The following DGKB variants were observed in gnomAD, a reference collection of about 807,000 sequenced individuals.
DGKB encodes the protein 90 kDa diacylglycerol kinase.
Under a neutral mutation model 114.3 loss-of-function variants are expected in DGKB, and 67 were observed. The observed-to-expected ratio is 0.59, with a 90% confidence interval of 0.48 to 0.72. The LOEUF (loss-of-function observed/expected upper bound fraction) is 0.72, where lower values mean the gene tolerates loss of function less well. Among genes scored for constraint, DGKB ranks in the 30% least tolerant of loss-of-function variants. The probability of loss-of-function intolerance (pLI) is 0.00; values close to 1 mark genes in which losing one functional copy is unlikely to be tolerated. For missense variants in DGKB, 907 were observed against 975.2 expected, an observed-to-expected ratio of 0.93 and a Z score of 0.93; for synonymous variants, 398 against 323.1, an observed-to-expected ratio of 1.23 and a Z score of -2.49.
chr7:14,533,734 G>A (rs1463674349), intron 20 of DGKB, among the ~76,000 whole-genome samples: 1 of 151,946 alleles, frequency 6.6e-6, no homozygotes, highest in Non-Finnish European at 1.5e-5. Flanking sequence ...TTTCTCAGCA[G>A]AAATGTTTCA....
chr7:14,602,299 AGTTGG>A (rs1803691357), intron 17 of DGKB, among the ~76,000 whole-genome samples: 3 of 152,126 alleles, frequency 2.0e-5, no homozygotes, highest in Admixed American at 2.0e-4. Flanking sequence ...TAGATTTTTG[AGTTGG>A]TATTAAAACA....
intron 21 of DGKB, among the ~76,000 whole-genome samples, chr7:14,352,914 A>C (rs971760623): frequency 4.6e-5 from 7 of 151,914 alleles, no homozygotes; most frequent in Admixed American, 4.6e-4. Context: ...CAAGAGCGAA[A>C]CTCTGTCTCA....
chr7:14,570,530 T>A (rs1455663989), intron 20 of DGKB, among the ~76,000 whole-genome samples: 2 of 152,094 alleles, frequency 1.3e-5, no homozygotes, highest in Non-Finnish European at 2.9e-5. Context: ...ACCAATAACA[T>A]AAAGCCAATT....
intron 20 of DGKB, among the ~76,000 whole-genome samples, chr7:14,517,923 A>G (rs1028540441): frequency 1.3e-5 from 2 of 152,210 alleles, no homozygotes; most frequent in African/African-American, 4.8e-5. Flanking sequence ...AAGAACTTAA[A>G]GCAGAATTAT....
At chr7:14,217,977 C>T (rs931271680) in intron 23 of DGKB, among the ~76,000 whole-genome samples, 16 of 152,214 alleles carry the variant, frequency 1.1e-4, no homozygotes, top group African/African-American at 3.4e-4. Flanking sequence ...GACATCCTAA[C>T]TTGTTTGTTT....
At chr7:14,169,758 C>A (rs535046804) in intron 25 of DGKB, among the ~76,000 whole-genome samples, 20 of 152,062 alleles carry the variant, frequency 1.3e-4, no homozygotes, top group East Asian at 7.7e-4. Flanking sequence ...ATATGTATTA[C>A]ATAAAAATAA....
intron 1 of DGKB, among the ~76,000 whole-genome samples, chr7:14,940,471 C>T (rs998221347): frequency 7.2e-5 from 11 of 151,768 alleles, no homozygotes; most frequent in Admixed American, 1.3e-4. Flanking sequence ...TAACATTTCA[C>T]TTAATTGGGC....
intron 6 of DGKB, among the ~76,000 whole-genome samples, chr7:14,709,822 G>C (rs968366240): frequency 4.1e-5 from 5 of 122,020 alleles, no homozygotes; most frequent in Admixed American, 9.1e-5. Context: ...GTGGTGGGGT[G>C]GGGGGAGGGG....
chr7:14,382,624 G>A (rs1205190633), intron 21 of DGKB, among the ~76,000 whole-genome samples: 1 of 152,126 alleles, frequency 6.6e-6, no homozygotes, highest in Non-Finnish European at 1.5e-5. Context: ...GGTCAGAATA[G>A]CAACTCACAG....
At chr7:14,549,883 G>T (rs547312213) in intron 20 of DGKB, among the ~76,000 whole-genome samples, 1 of 152,026 alleles carries the variant, frequency 6.6e-6, no homozygotes, top group African/African-American at 2.4e-5. Context: ...AGCTGGTTGA[G>T]AGGCTGAGGG....
At chr7:14,954,901 T>A (rs866068929) in intron 1 of DGKB, among the ~76,000 whole-genome samples, 4 of 152,022 alleles carry the variant, frequency 2.6e-5, no homozygotes, top group African/African-American at 4.8e-5. Context: ...ATGTATATAT[T>A]TTTTCCAAAT....
At chr7:14,582,997 A>C in intron 18 of DGKB, 55 bp downstream of exon 18, 1 of 1,117,860 alleles carries the variant, frequency 8.9e-7, no homozygotes, top group Non-Finnish European at 1.4e-6. Context: ...TAGATGAAAC[A>C]GGATTTAAAG....
At chr7:14,229,642 A>G (rs568147811) in intron 23 of DGKB, among the ~76,000 whole-genome samples, 1 of 152,074 alleles carries the variant, frequency 6.6e-6, no homozygotes, top group South Asian at 2.1e-4. Context: ...CCAGAAAATT[A>G]AGCTATCTGG....
chr7:14,571,816 T>A (rs1798428796), intron 20 of DGKB, among the ~76,000 whole-genome samples: 2 of 152,114 alleles, frequency 1.3e-5, no homozygotes, highest in African/African-American at 4.8e-5. Context: ...TTGAGCGCAA[T>A]CTCTAGACAA....
intron 20 of DGKB, among the ~76,000 whole-genome samples, chr7:14,493,396 CAAT>C (rs980311913): frequency 2.6e-5 from 4 of 151,964 alleles, no homozygotes; most frequent in African/African-American, 9.7e-5. Flanking sequence ...TAAATAATAA[CAAT>C]AACTAATAAT....
At chr7:14,279,907 G>A (rs1024643922) in intron 23 of DGKB, among the ~76,000 whole-genome samples, 3 of 150,892 alleles carry the variant, frequency 2.0e-5, no homozygotes. Flanking sequence ...CAAAGATGGG[G>A]AAAAAAACAG....
intron 2 of DGKB, among the ~76,000 whole-genome samples, chr7:14,831,291 C>T (rs1243813070): frequency 6.6e-6 from 1 of 151,924 alleles, no homozygotes; most frequent in Non-Finnish European, 1.5e-5. Flanking sequence ...GATAATGATG[C>T]TAATGGCTAC....
chr7:14,149,098 T>C lies in DGKB; in HGVS notation c.*33A>G. 6.4e-7 allele frequency: 1 copy of C among 1,567,340 alleles called. No homozygotes were observed. The highest frequency in any genetic ancestry group is 8.8e-7 in the Non-Finnish European group (1 of 1,137,686). ...TATGTGTTCCATGGCCCAATTATGC[T>C]AATTCAATTTCTAAGAGTGAAACAA... On this transcript the variant is annotated 3_prime_UTR_variant, in exon 26 of 26. Coordinates refer to ENST00000402815, the MANE Select transcript of DGKB (RefSeq NM_001350709.2).
At position 14,149,248 on chromosome 7, in the gene DGKB, A is replaced by C; in HGVS notation, c.2305-10T>G. 6.5e-7 allele frequency: 1 copy of C among 1,535,692 alleles called. No individual in the cohort carries two copies. Among genetic ancestry groups the C allele is most frequent in the Non-Finnish European group, 8.9e-7 (1 of 1,123,788 alleles). On this transcript the variant is annotated splice_polypyrimidine_tract_variant and intron_variant, in intron 25 of 25. Transcript: ENST00000402815. ...TGTGTGTAATTTTTATCTAGAAAAA[A>C]AGAGAGAGAGAGAGAGAGAAAGAAT...
Sources: gnomAD v4.1 joint callset for allele counts (sites outside exome capture counted in the v4.1 genomes callset) on GRCh38, gnomAD v4.1.1 for gene constraint, MANE v1.5 for transcripts, NCBI Gene and HGNC (gene_info 2026-07-23, HGNC 2026-07-21) for gene names.